The following SCAPER variants were observed in gnomAD, a reference collection of about 807,000 sequenced individuals.
The protein encoded by SCAPER is S-phase cyclin A associated protein in the ER.
A neutral mutation model predicts 182.2 loss-of-function variants in SCAPER; 98 were observed. The ratio of observed to expected loss-of-function variants is 0.54; its 90% CI spans 0.46 to 0.64. The LOEUF (loss-of-function observed/expected upper bound fraction) is 0.64, where lower values mean the gene tolerates loss of function less well. SCAPER is among the 30% of genes least tolerant of loss of function. The pLI, the probability that SCAPER is intolerant of heterozygous loss-of-function variation, is 0.00. For synonymous variants in SCAPER, 605 were observed against 564.6 expected (o/e 1.07, Z -1.01); for missense variants, 1,432 against 1,690.0 (o/e 0.85, Z 2.68).
chr15:76,800,050 T>C (rs2065637194), intron 7 of SCAPER, among the ~76,000 whole-genome samples, 198 bp downstream of exon 7: 1 of 151,376 alleles, frequency 6.6e-6, no homozygotes, highest in Admixed American at 6.6e-5. Flanking sequence ...TTAGCAGAAA[T>C]TGATGAGATG....
chr15:76,791,392 G>C (rs1177872815), intron 8 of SCAPER, among the ~76,000 whole-genome samples: 1 of 152,278 alleles, frequency 6.6e-6, no homozygotes, highest in East Asian at 1.9e-4. Flanking sequence ...CCTGAGAAGA[G>C]AGAAGGACAA....
intron 10 of SCAPER, 103 bp from the exon 11 acceptor site, chr15:76,767,191 G>A (rs1194844992): frequency 9.2e-7 from 1 of 1,082,220 alleles, no homozygotes; most frequent in Non-Finnish European, 1.3e-6. Flanking sequence ...ACATAAAATT[G>A]TATTGATCTA....
At chr15:76,717,472 A>G (rs1023697366) in intron 17 of SCAPER, among the ~76,000 whole-genome samples, 1 of 152,138 alleles carries the variant, frequency 6.6e-6, no homozygotes, top group Non-Finnish European at 1.5e-5. Flanking sequence ...CAAAAGTTAC[A>G]ATAAGTTTTT....
intron 26 of SCAPER, among the ~76,000 whole-genome samples, chr15:76,421,699 G>A (rs1193559186): frequency 6.6e-6 from 1 of 152,160 alleles, no homozygotes; most frequent in Non-Finnish European, 1.5e-5. Flanking sequence ...CCTTGCCCAT[G>A]CCTATGTCCT....
chr15:76,451,967 C>T (rs1325461503), intron 25 of SCAPER, among the ~76,000 whole-genome samples: 1 of 152,186 alleles, frequency 6.6e-6, no homozygotes, highest in East Asian at 1.9e-4. Context: ...CATACCCCCA[C>T]ACCTGATCCA....
intron 7 of SCAPER, 149 bp downstream of exon 7, chr15:76,800,099 G>GGAA (rs1303946482): frequency 2.2e-6 from 1 of 449,846 alleles, no homozygotes; most frequent in African/African-American, 1.9e-5. Context: ...AACACACAGT[G>GGAA]TTCCCCTCCT....
At chr15:76,863,237 T>C (rs563337403) in intron 2 of SCAPER, among the ~76,000 whole-genome samples, 1 of 152,316 alleles carries the variant, frequency 6.6e-6, no homozygotes, top group South Asian at 2.1e-4. Flanking sequence ...AAATAGTCTG[T>C]TTTTATAAGC....
At chr15:76,452,052 G>A (rs1227723234) in intron 25 of SCAPER, among the ~76,000 whole-genome samples, 1 of 151,768 alleles carries the variant, frequency 6.6e-6, no homozygotes, top group African/African-American at 2.4e-5. Flanking sequence ...TCTTCTTCCA[G>A]TTCCTACTAT....
chr15:76,895,330 C>T (rs1306331308), intron 1 of SCAPER, among the ~76,000 whole-genome samples: 1 of 152,052 alleles, frequency 6.6e-6, no homozygotes, highest in East Asian at 1.9e-4. Flanking sequence ...AAATTCAACA[C>T]CCTTTCAAGA....
At chr15:76,778,091 T>G (rs931686611) in intron 8 of SCAPER, among the ~76,000 whole-genome samples, 46 of 152,314 alleles carry the variant, frequency 3.0e-4, no homozygotes, top group African/African-American at 1.0e-3. Context: ...TTCTATTGAA[T>G]GCATATTGCT....
chr15:76,667,583 C>T (rs1052923166), intron 20 of SCAPER, among the ~76,000 whole-genome samples: 1 of 136,596 alleles, frequency 7.3e-6, no homozygotes, highest in African/African-American at 2.8e-5. Context: ...CGAGATGGTG[C>T]CATTGCACTC....
At chr15:76,661,996 C>T (rs1464343556) in intron 21 of SCAPER, among the ~76,000 whole-genome samples, 1 of 152,114 alleles carries the variant, frequency 6.6e-6, no homozygotes, top group East Asian at 1.9e-4. Context: ...GAATACTATA[C>T]AGTCATAAAA....
chr15:76,523,146 T>C (rs940849005), intron 23 of SCAPER, among the ~76,000 whole-genome samples: 2 of 152,086 alleles, frequency 1.3e-5, no homozygotes, highest in African/African-American at 2.4e-5. Context: ...TAACCAATCA[T>C]GATATATAAA....
At chr15:76,484,209 G>A (rs2051397370) in intron 24 of SCAPER, among the ~76,000 whole-genome samples, 1 of 152,082 alleles carries the variant, frequency 6.6e-6, no homozygotes, top group East Asian at 1.9e-4. Context: ...AACCTTAAAT[G>A]CATATTGCTA....
intron 25 of SCAPER, among the ~76,000 whole-genome samples, chr15:76,448,601 T>C (rs1370132513): frequency 1.3e-5 from 2 of 152,120 alleles, no homozygotes; most frequent in Non-Finnish European, 2.9e-5. Flanking sequence ...ACCCTGTTTA[T>C]GAAGATTGTA....
At position 76,381,440 on chromosome 15, in the gene SCAPER, C is replaced by T; in HGVS notation, c.3643G>A (p.Val1215Met). Residue 1215 changes from valine to methionine, a missense_variant, in exon 28 of 32, where the codon GTG becomes ATG. Physicochemically the swap from Val to Met is conservative, Grantham distance 21 (BLOSUM62 1). Transcript: ENST00000563290. ...KENYTQNTIQ[V>M]AIQSLRFFNS... ...AAGAAACGTAAACTCTGAATGGCCA[C>T]TTGGATGGTATTTTGAGTGTAATTC... The T allele has an allele frequency of 1.2e-6, 2 of 1,613,826 alleles. No individual in the cohort carries two copies. Among genetic ancestry groups the T allele is most frequent in the South Asian group, 1.1e-5 (1 of 91,054 alleles).
intron 14 of SCAPER, among the ~76,000 whole-genome samples, chr15:76,757,658 A>G (rs1185755781): frequency 6.6e-6 from 1 of 152,118 alleles, no homozygotes; most frequent in East Asian, 1.9e-4. Context: ...GACAGGCTCT[A>G]TTTTAATTTT....
intron 20 of SCAPER, among the ~76,000 whole-genome samples, chr15:76,674,930 A>G (rs926361741): frequency 6.6e-6 from 1 of 152,236 alleles, no homozygotes; most frequent in African/African-American, 2.4e-5. Context: ...CAAGTTTTAA[A>G]TTTCCTCTTT....
intron 1 of SCAPER, among the ~76,000 whole-genome samples, chr15:76,896,822 T>C (rs2074458456): frequency 1.3e-5 from 2 of 152,200 alleles, no homozygotes; most frequent in Non-Finnish European, 2.9e-5. Flanking sequence ...GGCACGCACC[T>C]GTAGTCCCAG....
Sources: allele counts gnomAD v4.1 joint callset (sites outside exome capture counted in the v4.1 genomes callset), GRCh38; gene constraint gnomAD v4.1.1; transcripts MANE v1.5; gene names NCBI Gene and HGNC (gene_info 2026-07-23, HGNC 2026-07-21).